SYNPR: variants seen among roughly 807,000 people sequenced by gnomAD.
SYNPR encodes the protein synaptoporin.
In SYNPR, 23 loss-of-function variants were observed where a neutral mutation model predicts 32.9. The observed-to-expected ratio is 0.70, with a 90% CI of 0.50 to 0.99. The LOEUF is 0.99. SYNPR is among the 50% of genes least tolerant of loss of function. The pLI is 0.00. For synonymous variants in SYNPR, 146 were observed against 135.9 expected (o/e 1.07, Z -0.52); for missense variants, 318 against 349.3 (o/e 0.91, Z 0.71).
intron 4 of SYNPR, among the ~76,000 whole-genome samples, chr3:63,574,335 G>A (rs990340780): frequency 6.6e-6 from 1 of 152,096 alleles, no homozygotes; most frequent in African/African-American, 2.4e-5. Context: ...ACTATGTGTT[G>A]CATTTATTCA....
chr3:63,575,203 C>T (rs1702955941), intron 4 of SYNPR, among the ~76,000 whole-genome samples: 1 of 152,152 alleles, frequency 6.6e-6, no homozygotes, highest in Admixed American at 6.5e-5. Flanking sequence ...GCGTGTTACA[C>T]AGCAAAAAGT....
chr3:63,490,714 A>AT (rs1464070665), intron 3 of SYNPR, among the ~76,000 whole-genome samples: 2 of 151,936 alleles, frequency 1.3e-5, no homozygotes, highest in African/African-American at 4.8e-5. Flanking sequence ...CTTGTTCCTG[A>AT]TTTTGGTTCA....
the SYNPR span, among the ~76,000 whole-genome samples, chr3:63,210,599 T>C: frequency 6.6e-6 from 1 of 152,210 alleles, no homozygotes; most frequent in African/African-American, 2.4e-5. Flanking sequence ...TCACCACTCC[T>C]AACTTTTGAT....
chr3:63,609,444 A>G (rs1277679453), intron 5 of SYNPR, 128 bp downstream of exon 5: 9 of 730,326 alleles, frequency 1.2e-5, no homozygotes, highest in Non-Finnish European at 1.9e-5. Flanking sequence ...AAGGTGAGAT[A>G]CTTCACCTCA....
At chr3:63,250,743 C>G (rs1415813450) in intron 1 of SYNPR, among the ~76,000 whole-genome samples, 3 of 152,102 alleles carry the variant, frequency 2.0e-5, no homozygotes, top group African/African-American at 7.2e-5. Context: ...AGTGACAGAG[C>G]CAGAATTACA....
intron 2 of SYNPR, among the ~76,000 whole-genome samples, chr3:63,469,679 G>A (rs549675588): frequency 6.6e-5 from 10 of 152,244 alleles, no homozygotes; most frequent in African/African-American, 2.4e-4. Flanking sequence ...TCAACCCGAT[G>A]GAAGTTGCCC....
At chr3:63,478,292 G>A (rs1203441815) in intron 2 of SYNPR, among the ~76,000 whole-genome samples, 4 of 152,108 alleles carry the variant, frequency 2.6e-5, no homozygotes, top group African/African-American at 9.7e-5. Flanking sequence ...AAAAGCCAAG[G>A]TAGTTTCTTT....
upstream of SYNPR, among the ~76,000 whole-genome samples, chr3:63,276,932 A>G (rs2086581093): frequency 6.7e-6 from 1 of 149,240 alleles, no homozygotes; most frequent in Non-Finnish European, 1.5e-5. Context: ...ATACACACCC[A>G]TGAACTCCAA....
At chr3:63,206,378 C>T in the SYNPR span, among the ~76,000 whole-genome samples, 4 of 152,070 alleles carry the variant, frequency 2.6e-5, no homozygotes, top group Middle Eastern at 3.4e-3. Flanking sequence ...TTTGGGAGGC[C>T]GAAGTGGGCA....
intron 4 of SYNPR, among the ~76,000 whole-genome samples, chr3:63,601,991 T>C (rs905639771): frequency 1.3e-5 from 2 of 152,028 alleles, no homozygotes; most frequent in African/African-American, 2.4e-5. Flanking sequence ...CTTGCCAGCA[T>C]CTGTTTTTTT....
At chr3:63,464,396 C>A (rs1322382152) in intron 2 of SYNPR, among the ~76,000 whole-genome samples, 2 of 152,266 alleles carry the variant, frequency 1.3e-5, no homozygotes, top group East Asian at 1.9e-4. Context: ...TTGCATCCTG[C>A]ATTCTTTGTA....
chr3:63,466,631 T>G (rs1456878893), intron 2 of SYNPR, among the ~76,000 whole-genome samples: 1 of 151,912 alleles, frequency 6.6e-6, no homozygotes, highest in Admixed American at 6.6e-5. Context: ...AATACTAGAC[T>G]GGGTGGTTTA....
At chr3:63,211,300 C>T in the SYNPR span, among the ~76,000 whole-genome samples, 1 of 152,168 alleles carries the variant, frequency 6.6e-6, no homozygotes, top group Non-Finnish European at 1.5e-5. Context: ...CTCCTGACCT[C>T]AAATGATCAA....
intron 4 of SYNPR, among the ~76,000 whole-genome samples, chr3:63,567,544 T>C (rs548701144): frequency 7.9e-5 from 12 of 152,202 alleles, no homozygotes; most frequent in Non-Finnish European, 1.3e-4. Context: ...TTTAGCTTCA[T>C]TGGGGTCTCA....
chr3:63,282,149 A>G (rs1317981504), intron 2 of SYNPR, among the ~76,000 whole-genome samples: 1 of 152,174 alleles, frequency 6.6e-6, no homozygotes, highest in African/African-American at 2.4e-5. Flanking sequence ...TCAGTGTTTG[A>G]TTTTTTTCAT....
At chr3:63,606,886 T>A (rs1046294497) in intron 4 of SYNPR, among the ~76,000 whole-genome samples, 17 of 152,150 alleles carry the variant, frequency 1.1e-4, no homozygotes, top group South Asian at 2.1e-4. Flanking sequence ...GGGGTCAGGA[T>A]TGGTATCTAT....
At chr3:63,552,893 T>A (rs977986586) in intron 3 of SYNPR, among the ~76,000 whole-genome samples, 2 of 152,200 alleles carry the variant, frequency 1.3e-5, no homozygotes, top group Non-Finnish European at 2.9e-5. Flanking sequence ...TGCCCCAATA[T>A]GTTAATTCCC....
At chr3:63,460,921 C>A (rs1700572889) in intron 2 of SYNPR, among the ~76,000 whole-genome samples, 1 of 151,942 alleles carries the variant, frequency 6.6e-6, no homozygotes, top group African/African-American at 2.4e-5. Context: ...AACTAAGGCA[C>A]TAGCAGGCAA....
chr3:63,482,278 G>A (rs1278293754), intron 3 of SYNPR, among the ~76,000 whole-genome samples: 2 of 152,138 alleles, frequency 1.3e-5, no homozygotes, highest in Non-Finnish European at 2.9e-5. Context: ...AGATCAAAAT[G>A]TATTGCCATC....
Sources: allele counts gnomAD v4.1 joint callset (sites outside exome capture counted in the v4.1 genomes callset), GRCh38; gene constraint gnomAD v4.1.1; transcripts MANE v1.5; gene names NCBI Gene and HGNC (gene_info 2026-07-23, HGNC 2026-07-21).